The following ABCA13 variants were observed in gnomAD, a reference collection of about 807,000 sequenced individuals.
ABCA13 encodes ATP binding cassette subfamily A member 13.
ABCA13 carries 476 observed loss-of-function variants against 478.7 expected under a neutral mutation model. The ratio of observed to expected loss-of-function variants is 0.99; its 90% CI spans 0.92 to 1.07. ABCA13 has a LOEUF of 1.07. ABCA13 is among the 50% of genes least tolerant of loss of function. The pLI is 0.00. For synonymous variants in ABCA13, 2,252 were observed against 2,158.9 expected (o/e 1.04, Z -1.20); for missense variants, 6,060 against 5,910.6 (o/e 1.03, Z -0.83).
At chr7:48,284,075 G>A (rs1443297051) in intron 19 of ABCA13, among the ~76,000 whole-genome samples, 1 of 152,146 alleles carries the variant, frequency 6.6e-6, no homozygotes, top group African/African-American at 2.4e-5. Context: ...CATGCCATTG[G>A]GAAAACTACT....
intron 27 of ABCA13, among the ~76,000 whole-genome samples, chr7:48,330,890 C>T (rs1170298765): frequency 2.0e-5 from 3 of 152,146 alleles, no homozygotes; most frequent in African/African-American, 7.2e-5. Flanking sequence ...TGAGGGGAAT[C>T]GGGGGATGCT....
Position 48,621,735 on chromosome 7 carries a change from T to A in ABCA13, c.14837+6358T>A, listed in dbSNP as rs147451223. Among the ~76,000 whole-genome samples the A allele has an allele frequency of 4.3e-3, 656 of 152,332 alleles. 4 individuals carry two copies. Among genetic ancestry groups the A allele is most frequent in the African/African-American group, 0.015 (618 of 41,578 alleles). ...TAAACTGCTGTATGTGTTCATAAGT[T>A]AAGAACTAACCAAATTAAAGTTTAA... On this transcript the variant is annotated intron_variant, in intron 59 of 61. Coordinates refer to ENST00000435803, the MANE Select transcript of ABCA13 (RefSeq NM_152701.5).
chr7:48,530,107 A>G (rs1833124416), intron 55 of ABCA13, among the ~76,000 whole-genome samples: 1 of 152,050 alleles, frequency 6.6e-6, no homozygotes, highest in Non-Finnish European at 1.5e-5. Context: ...TCATTGTATC[A>G]TTCTTGTAAT....
chr7:48,374,434 TA>T lies in ABCA13; in HGVS notation c.11203+23del. 1.9e-6 allele frequency: 3 copies of T among 1,598,364 alleles called. No individual in the cohort carries two copies. Among genetic ancestry groups the T allele is most frequent in the Non-Finnish European group, 2.6e-6 (3 of 1,171,980 alleles). On this transcript the variant is annotated intron_variant, in intron 34 of 61. Transcript: ENST00000435803. ...AGAGACAGGTAAGAGCATGCATGTGTAAAAAGTGACTCTCAGTGAATCACGT... is the reference window on the plus strand; with the variant it reads ...AGAGACAGGTAAGAGCATGCATGTGTAAAAGTGACTCTCAGTGAATCACGT...
At chr7:48,317,012 T>A in intron 26 of ABCA13, 145 bp from the exon 27 acceptor site, 1 of 937,480 alleles carries the variant, frequency 1.1e-6, no homozygotes, top group Non-Finnish European at 1.6e-6. Context: ...ATTCAAACTA[T>A]AGCACTCCCA....
chr7:48,391,908 T>C lies in ABCA13; in HGVS notation c.11655-13T>C. 1 of 1,612,444 alleles carries C rather than the reference T, an allele frequency of 6.2e-7. No homozygotes were observed. The highest frequency in any genetic ancestry group is 2.2e-5 in the East Asian group (1 of 44,796). ...AACGCGTATTCTCCATGCTGTCTTATTTTCTCTGGCAGATCCATGTTGACG... is the reference window on the plus strand; with the variant it reads ...AACGCGTATTCTCCATGCTGTCTTACTTTCTCTGGCAGATCCATGTTGACG... On this transcript the variant is annotated splice_polypyrimidine_tract_variant and intron_variant, in intron 37 of 61. Coordinates refer to ENST00000435803, the MANE Select transcript of ABCA13 (RefSeq NM_152701.5).
chr7:48,418,903 C>T (rs552413579), intron 41 of ABCA13, among the ~76,000 whole-genome samples: 2 of 152,210 alleles, frequency 1.3e-5, no homozygotes, highest in Admixed American at 6.5e-5. Context: ...ATACCTGAGA[C>T]TGGGTAATTT....
chr7:48,520,047 C>G lies in ABCA13; in HGVS notation c.13804C>G (p.Gln4602Glu). Residue 4602 changes from glutamine (Q) to glutamate (E), a missense_variant, in exon 53 of 62, where the codon CAG becomes GAG. Coordinates refer to ENST00000435803, the MANE Select transcript of ABCA13 (RefSeq NM_152701.5). ...LAIISKAKNL[Q>E]NIYDVLKWVF... ...TCTTTTTTTCACTGTGCAGAATTTA[C>G]AGAATATCTATGATGTCCTCAAGTG... The G allele has an allele frequency of 6.2e-7, 1 of 1,606,322 alleles. No individual in the cohort carries two copies. Among genetic ancestry groups the G allele is most frequent in the Non-Finnish European group, 8.5e-7 (1 of 1,175,306 alleles).
At chr7:48,351,112 A>G (rs1361503802) in intron 30 of ABCA13, among the ~76,000 whole-genome samples, 2 of 152,190 alleles carry the variant, frequency 1.3e-5, no homozygotes, top group African/African-American at 4.8e-5. Flanking sequence ...TTATAACATC[A>G]TGTTCTAGTT....
Position 48,580,230 on chromosome 7 carries a change from C to T in ABCA13, c.14361C>T (p.Ala4787=), listed in dbSNP as rs73324210. ...GTGCTGCTTCTCTCTGCAGAGACGC[C>T]GTGGACCTGTCTTCTGCTGGCACGG... ...HAIIRTPMGD[A]VDLSSAGTAG... Residue 4787 remains alanine, a synonymous_variant, in exon 56 of 62, where the codon GCC becomes GCT. Coordinates refer to ENST00000435803, the MANE Select transcript of ABCA13 (RefSeq NM_152701.5). The T allele has an allele frequency of 1.9e-4, 302 of 1,609,680 alleles. No homozygotes were observed. The African/African-American group carries it at 1.9e-3, about 10-fold the overall frequency.
At chr7:48,303,995 T>C (rs1384177353) in intron 23 of ABCA13, among the ~76,000 whole-genome samples, 1 of 152,222 alleles carries the variant, frequency 6.6e-6, no homozygotes, top group African/African-American at 2.4e-5. Context: ...AATTTCATCA[T>C]TAAAAGAAAA....
intron 53 of ABCA13, among the ~76,000 whole-genome samples, chr7:48,520,539 A>G (rs1049513955): frequency 6.6e-6 from 1 of 152,034 alleles, no homozygotes; most frequent in Non-Finnish European, 1.5e-5. Context: ...TTGTCTCAGC[A>G]TATTTTCTTT....
chr7:48,395,527 G>A (rs1023665166), intron 38 of ABCA13, among the ~76,000 whole-genome samples: 12 of 152,152 alleles, frequency 7.9e-5, no homozygotes, highest in African/African-American at 2.9e-4. Flanking sequence ...CACCCAGTGT[G>A]CCTACCTCTT....
intron 1 of ABCA13, 132 bp downstream of exon 1, chr7:48,171,684 G>A: frequency 1.9e-6 from 2 of 1,036,214 alleles, no homozygotes; most frequent in East Asian, 5.3e-5. Flanking sequence ...GGGGAGGTTG[G>A]ATTATTTTAA....
chr7:48,461,033 T>A (rs1438651212), intron 43 of ABCA13, among the ~76,000 whole-genome samples: 1 of 152,236 alleles, frequency 6.6e-6, no homozygotes, highest in African/African-American at 2.4e-5. Flanking sequence ...TAGTGATTGC[T>A]TCACTTTGTT....
intron 9 of ABCA13, among the ~76,000 whole-genome samples, chr7:48,240,611 T>A (rs1275607723): frequency 6.6e-6 from 1 of 152,180 alleles, no homozygotes; most frequent in African/African-American, 2.4e-5. Context: ...CCCTTCTCTC[T>A]TTTTCTCTTT....
chr7:48,446,926 T>A, intron 42 of ABCA13, among the ~76,000 whole-genome samples: 1 of 152,112 alleles, frequency 6.6e-6, no homozygotes, highest in East Asian at 1.9e-4. Context: ...TAAAATGGAA[T>A]TGAAATAGAT....
At position 48,176,465 on chromosome 7, in the gene ABCA13, C is replaced by T. The variant is rs146579810; in HGVS notation, c.69+4913C>T. Among the ~76,000 whole-genome samples, 772 of 152,250 alleles carry T rather than the reference C, an allele frequency of 5.1e-3. 6 individuals are homozygous for T. The highest frequency in any genetic ancestry group is 0.018 in the African/African-American group (730 of 41,548). ...ATGGAAACCACATCCCAGAACCCAG[C>T]GACAGATATCCAGATGTCTACCATA... On this transcript the variant is annotated intron_variant, in intron 1 of 61. Coordinates refer to ENST00000435803, the MANE Select transcript of ABCA13 (RefSeq NM_152701.5).
At chr7:48,201,635 G>A (rs1798737670) in intron 3 of ABCA13, among the ~76,000 whole-genome samples, 1 of 152,210 alleles carries the variant, frequency 6.6e-6, no homozygotes, top group African/African-American at 2.4e-5. Flanking sequence ...CAGGAGAAGA[G>A]CTTGAACCGG....
Sources: allele counts gnomAD v4.1 joint callset (sites outside exome capture counted in the v4.1 genomes callset), GRCh38; gene constraint gnomAD v4.1.1; transcripts MANE v1.5; gene names NCBI Gene and HGNC (gene_info 2026-07-23, HGNC 2026-07-21).